The following SFMBT2 variants were observed in gnomAD, a reference collection of about 807,000 sequenced individuals.
The protein encoded by SFMBT2 is Scm like with four mbt domains 2, also known as scm-like with four MBT domains protein 2.
Under a neutral mutation model 110.1 loss-of-function variants are expected in SFMBT2, and 38 were observed. That is an observed-to-expected ratio of 0.35 (90% CI 0.27 to 0.45). The LOEUF (loss-of-function observed/expected upper bound fraction) is 0.45, where lower values mean the gene tolerates loss of function less well. Ranked by LOEUF, SFMBT2 falls within the 20% of genes least tolerant of loss-of-function variation. SFMBT2 has a pLI of 1.00. For missense variants in SFMBT2, 1,011 were observed against 1,094.9 expected (o/e 0.92, Z 1.08); for synonymous variants, 425 against 425.4 (o/e 1.00, Z 0.01).
intron 17 of SFMBT2, among the ~76,000 whole-genome samples, chr10:7,175,339 G>A (rs1485592507): frequency 2.6e-5 from 4 of 152,238 alleles, no homozygotes; most frequent in African/African-American, 4.8e-5. Flanking sequence ...AGGGGAAGCG[G>A]TTGCCCAAGG....
intron 9 of SFMBT2, among the ~76,000 whole-genome samples, chr10:7,239,896 C>T (rs564198170): frequency 2.0e-4 from 30 of 146,372 alleles, no homozygotes; most frequent in Admixed American, 2.7e-4. Flanking sequence ...TTTAACCCGA[C>T]ACCCCTGCAC....
At chr10:7,289,982 G>A (rs1183270486) in intron 4 of SFMBT2, among the ~76,000 whole-genome samples, 1 of 152,116 alleles carries the variant, frequency 6.6e-6, no homozygotes, top group Non-Finnish European at 1.5e-5. Flanking sequence ...TCTCTTCCAA[G>A]ACTCCAACTC....
chr10:7,333,392 CT>C (rs58271261), intron 4 of SFMBT2, among the ~76,000 whole-genome samples: 2,219 of 138,316 alleles, frequency 0.016, 39 homozygotes, highest in African/African-American at 0.044. Context: ...TGAGGCTTAC[CT>C]TTTTTTTTTT....
At chr10:7,406,092 T>C (rs914341820) in intron 1 of SFMBT2, among the ~76,000 whole-genome samples, 3 of 151,990 alleles carry the variant, frequency 2.0e-5, no homozygotes, top group African/African-American at 7.3e-5. Flanking sequence ...TATGACTTCT[T>C]ACTTTAGGGC....
intron 16 of SFMBT2, among the ~76,000 whole-genome samples, chr10:7,178,850 C>A (rs540106512): frequency 6.6e-6 from 1 of 152,268 alleles, no homozygotes; most frequent in African/African-American, 2.4e-5. Context: ...GTTTCAATCA[C>A]CTTTTGACAG....
At chr10:7,227,691 T>C (rs1839935019) in intron 10 of SFMBT2, among the ~76,000 whole-genome samples, 164 bp downstream of exon 10, 1 of 152,160 alleles carries the variant, frequency 6.6e-6, no homozygotes, top group Non-Finnish European at 1.5e-5. Context: ...CCCTAGCAAA[T>C]ATACAACCTG....
intron 1 of SFMBT2, among the ~76,000 whole-genome samples, chr10:7,386,956 C>T (rs1252344149): frequency 6.6e-6 from 1 of 152,184 alleles, no homozygotes; most frequent in African/African-American, 2.4e-5. Flanking sequence ...TTTGAACCCA[C>T]ACAACTGGCT....
chr10:7,387,172 C>T (rs1845631549), intron 1 of SFMBT2, among the ~76,000 whole-genome samples: 1 of 152,192 alleles, frequency 6.6e-6, no homozygotes, highest in Admixed American at 6.5e-5. Flanking sequence ...TGTGAGCACT[C>T]AACACTCCTA....
chr10:7,325,830 G>A (rs1269622259), intron 4 of SFMBT2, among the ~76,000 whole-genome samples: 2 of 152,194 alleles, frequency 1.3e-5, no homozygotes, highest in Non-Finnish European at 2.9e-5. Flanking sequence ...TGTTTTGGTG[G>A]TGGTTGCAAA....
chr10:7,214,523 C>G lies in SFMBT2; in HGVS notation c.1330+5888G>C, dbSNP rs115563619. On this transcript the variant is annotated intron_variant, in intron 11 of 20. Coordinates refer to ENST00000397167, the MANE Select transcript of SFMBT2 (RefSeq NM_001387889.1). ...CAGATTAGATTTATTCCTGAGCTAT[C>G]ACTGCTTCTTGTGTTTAAATACCTA... 45 of 971,102 alleles carry G rather than the reference C, an allele frequency of 4.6e-5. No homozygotes were observed. The East Asian group carries it at 3.7e-3, about 79-fold the overall frequency. The allele number at this position is 971,102 out of a possible 1,614,324, so 60.2% of individuals were successfully genotyped here. A position where few individuals can be genotyped will look rare whatever the true frequency, so the allele number is the denominator to read the frequency against.
chr10:7,231,809 A>C (rs1248177953), intron 9 of SFMBT2, among the ~76,000 whole-genome samples: 1 of 152,138 alleles, frequency 6.6e-6, no homozygotes, highest in African/African-American at 2.4e-5. Context: ...CATCATTTCA[A>C]ATTCTTTTCC....
chr10:7,334,816 C>T (rs1315012066), intron 4 of SFMBT2, among the ~76,000 whole-genome samples: 1 of 152,220 alleles, frequency 6.6e-6, no homozygotes, highest in Non-Finnish European at 1.5e-5. Context: ...AACCTCCCTA[C>T]GGAGCTGAGG....
intron 1 of SFMBT2, among the ~76,000 whole-genome samples, chr10:7,392,205 T>C (rs72775572): frequency 0.026 from 3,928 of 152,338 alleles, 90 homozygotes; most frequent in Non-Finnish European, 0.038. Flanking sequence ...TACCTTTTCT[T>C]TATTTGACAT....
In SFMBT2 at chr10:7,171,700, C is replaced by T. The variant is rs1171162693; in HGVS notation, c.2415+195G>A. 6.6e-6 allele frequency among the ~76,000 whole-genome samples: 1 copy of T among 152,228 alleles called. No individual in the cohort carries two copies. Reference sequence around the variant, plus strand: ...AGGCGCTGTCTCCACCCTGGGCACTCCATTCTGATGCCGAAAGGCCCCTCC... The same window carrying T: ...AGGCGCTGTCTCCACCCTGGGCACTTCATTCTGATGCCGAAAGGCCCCTCC... On this transcript the variant is annotated intron_variant, in intron 19 of 20. Coordinates refer to ENST00000397167, the MANE Select transcript of SFMBT2 (RefSeq NM_001387889.1). The surrounding 1 kb of genome is among the most constrained non-coding windows in gnomAD (Gnocchi z 4.9).
At chr10:7,328,827 GA>G (rs1843472680) in intron 4 of SFMBT2, among the ~76,000 whole-genome samples, 1 of 152,198 alleles carries the variant, frequency 6.6e-6, no homozygotes, top group Non-Finnish European at 1.5e-5. Flanking sequence ...AAAAGTGTAA[GA>G]ACAAGGTGAC....
chr10:7,228,699 C>CT (rs1209455768), intron 9 of SFMBT2, among the ~76,000 whole-genome samples: 1 of 132,224 alleles, frequency 7.6e-6, no homozygotes, highest in African/African-American at 3.0e-5. Flanking sequence ...TTCTTTCTTT[C>CT]TTTCTTTCTT....
rs532827743 is a variant in SFMBT2, at chr10:7,241,204, C to T, written c.1120+2354G>A. 4.1e-5 allele frequency: 16 copies of T among 392,320 alleles called. No individual in the cohort carries two copies. The South Asian group carries it at 1.5e-3, about 37-fold the overall frequency. 24.3% of individuals were successfully genotyped at this position (392,320 alleles called of 1,614,324 possible). On this transcript the variant is annotated intron_variant, in intron 9 of 20. Transcript: ENST00000397167. Reference sequence around the variant, plus strand: ...ACCATGATTAGGAGGTTAACCCAGCCGTGTGGAACTGTAAGTCCATTAAAC... The same window carrying T: ...ACCATGATTAGGAGGTTAACCCAGCTGTGTGGAACTGTAAGTCCATTAAAC...
chr10:7,224,810 C>G (rs1385185102), intron 10 of SFMBT2, among the ~76,000 whole-genome samples: 1 of 152,194 alleles, frequency 6.6e-6, no homozygotes, highest in Non-Finnish European at 1.5e-5. Flanking sequence ...GATTTATATA[C>G]TTATGGATAC....
chr10:7,301,880 G>A lies in SFMBT2; in HGVS notation c.437-15926C>T, dbSNP rs186406236. On this transcript the variant is annotated intron_variant, in intron 4 of 20. Transcript: ENST00000397167. The surrounding 1 kb of genome is among the most constrained non-coding windows in gnomAD (Gnocchi z 4.2). ...CTGGTGTAGAATTTTTTAAAAAACC[G>A]TTTTGGGCTGGGAGACCTCAGGAGC... Among the ~76,000 whole-genome samples the A allele has an allele frequency of 2.5e-4, 38 of 152,012 alleles. No homozygotes were observed. The highest frequency in any genetic ancestry group is 8.9e-4 in the African/African-American group (37 of 41,368).
Sources: allele counts gnomAD v4.1 joint callset (sites outside exome capture counted in the v4.1 genomes callset), GRCh38; gene constraint gnomAD v4.1.1; non-coding constraint Gnocchi (gnomAD v3.1); transcripts MANE v1.5; gene names NCBI Gene and HGNC (gene_info 2026-07-23, HGNC 2026-07-21).